Variants in ADAM22 observed in about 807,000 individuals in gnomAD.
ADAM22 encodes disintegrin and metalloproteinase domain-containing protein 22.
ADAM22 carries 65 observed loss-of-function variants against 144.6 expected under a neutral mutation model. The observed-to-expected ratio is 0.45, with a 90% CI of 0.37 to 0.55. The LOEUF is 0.55. ADAM22 is among the 20% of genes least tolerant of loss of function. The probability of loss-of-function intolerance (pLI) is 0.00; values close to 1 mark genes in which losing one functional copy is unlikely to be tolerated. For synonymous variants in ADAM22, 391 were observed against 412.6 expected (o/e 0.95, Z 0.63); for missense variants, 974 against 1,184.9 (o/e 0.82, Z 2.61).
At chr7:87,945,167 T>C (rs1261490864) in intron 2 of ADAM22, among the ~76,000 whole-genome samples, 1 of 152,218 alleles carries the variant, frequency 6.6e-6, no homozygotes, top group Non-Finnish European at 1.5e-5. Context: ...GAGTTTTTCA[T>C]ACTCTAAAAA....
chr7:88,073,233 A>G (rs1034021070), intron 3 of ADAM22, among the ~76,000 whole-genome samples: 8 of 152,234 alleles, frequency 5.3e-5, no homozygotes, highest in South Asian at 2.1e-4. Context: ...GCTAAGAGCT[A>G]TTTTTGAAAG....
chr7:87,998,186 A>G (rs1345581837), intron 3 of ADAM22, among the ~76,000 whole-genome samples: 1 of 152,090 alleles, frequency 6.6e-6, no homozygotes, highest in African/African-American at 2.4e-5. Flanking sequence ...CTTGCAGCTG[A>G]TTAGATGGTG....
intron 2 of ADAM22, among the ~76,000 whole-genome samples, chr7:87,962,999 T>C (rs962496935): frequency 9.9e-5 from 15 of 152,202 alleles, no homozygotes; most frequent in African/African-American, 3.6e-4. Flanking sequence ...GGGAAAACTC[T>C]TGGACAAAGC....
chr7:88,163,092 G>C lies in ADAM22; in HGVS notation c.1988G>C (p.Cys663Ser). 6.2e-7 allele frequency: 1 copy of C among 1,612,302 alleles called. No individual in the cohort carries two copies. ...ACACCTTGTGGTCCCCAAATGATGT[G>C]CTTAGAACACAGGTGTCTTCCTGTG... ...DGTPCGPQMM[C>S]LEHRCLPVAS... is the part of the protein sequence containing the mutation. The change falls in exon 23 of 32, where the codon TGC (cysteine) becomes TCC (serine). Residue 663 changes from cysteine to serine, a missense_variant. Around this residue, in one of 2 missense-constraint regions of ADAM22, gnomAD observed 734 missense variants for 950.6 expected, o/e 0.77. Transcript: ENST00000413139.
chr7:88,030,891 C>T (rs1282236943), intron 3 of ADAM22, among the ~76,000 whole-genome samples: 3 of 152,046 alleles, frequency 2.0e-5, no homozygotes, highest in Admixed American at 6.6e-5. Context: ...CCAAGGTGGG[C>T]GGATCACAAG....
intron 19 of ADAM22, 41 bp from the exon 20 acceptor site, chr7:88,151,216 A>G (rs746636472): frequency 1.2e-6 from 2 of 1,610,396 alleles, no homozygotes; most frequent in East Asian, 4.5e-5. Flanking sequence ...TGACATAAGC[A>G]GATATTGCAT....
chr7:88,161,501 C>CA (rs1215393184), intron 22 of ADAM22, among the ~76,000 whole-genome samples: 1 of 152,066 alleles, frequency 6.6e-6, no homozygotes, highest in African/African-American at 2.4e-5. Flanking sequence ...TTCTGCACAG[C>CA]AAAAGTAACT....
At chr7:88,057,735 G>A (rs369529127) in intron 3 of ADAM22, among the ~76,000 whole-genome samples, 7 of 152,280 alleles carry the variant, frequency 4.6e-5, no homozygotes, top group African/African-American at 1.7e-4. Flanking sequence ...GATATTTGCT[G>A]GAAATGGCCC....
rs142510705 is a variant in ADAM22 at position 88,158,681 on chromosome 7, G to T, written c.1907+2675G>T. Among the ~76,000 whole-genome samples the T allele has an allele frequency of 3.6e-4, 55 of 151,970 alleles. No individual in the cohort carries two copies. In the East Asian group the frequency reaches 0.011, roughly 29 times the overall value. Reference sequence around the variant, plus strand: ...CTTTTAGGTAAATAATGAAATTAAGGCAGAAATCAAGAAGTTCTTTGAAAC... The same window carrying T: ...CTTTTAGGTAAATAATGAAATTAAGTCAGAAATCAAGAAGTTCTTTGAAAC... On this transcript the variant is annotated intron_variant, in intron 22 of 31. Transcript: ENST00000413139.
At chr7:88,087,193 T>G (rs950860866) in intron 4 of ADAM22, among the ~76,000 whole-genome samples, 2 of 152,192 alleles carry the variant, frequency 1.3e-5, no homozygotes. Context: ...TTCTATAATA[T>G]GTAAAATAAG....
chr7:87,936,427 A>G (rs577809856), intron 2 of ADAM22, among the ~76,000 whole-genome samples: 135 of 152,272 alleles, frequency 8.9e-4, no homozygotes, highest in African/African-American at 3.2e-3. Flanking sequence ...TCCCTATGTC[A>G]TCGTATTTTT....
chr7:88,007,367 A>G (rs926450089), intron 3 of ADAM22, among the ~76,000 whole-genome samples: 2 of 152,196 alleles, frequency 1.3e-5, no homozygotes, highest in African/African-American at 2.4e-5. Context: ...CAAGCTACCA[A>G]TGCCTTTCTT....
At chr7:87,968,755 T>C (rs1340290219) in intron 2 of ADAM22, among the ~76,000 whole-genome samples, 1 of 152,178 alleles carries the variant, frequency 6.6e-6, no homozygotes, top group Admixed American at 6.5e-5. Context: ...CCAAGTGTAT[T>C]AGTCTGTTCT....
At chr7:88,151,409 TAC>T in intron 20 of ADAM22, 89 bp downstream of exon 20, 1 of 1,450,658 alleles carries the variant, frequency 6.9e-7, no homozygotes, top group Non-Finnish European at 9.7e-7. Context: ...AATTTTTGAC[TAC>T]TTTATGACTG....
intron 3 of ADAM22, among the ~76,000 whole-genome samples, chr7:87,982,305 A>G (rs938008341): frequency 1.3e-5 from 2 of 151,954 alleles, no homozygotes; most frequent in African/African-American, 4.8e-5. Flanking sequence ...GTCTGGTGTG[A>G]GGATGAAAAT....
chr7:88,122,126 T>C (rs1476590217), intron 7 of ADAM22, among the ~76,000 whole-genome samples: 1 of 152,132 alleles, frequency 6.6e-6, no homozygotes, highest in Non-Finnish European at 1.5e-5. Context: ...GATATGCAGT[T>C]GTCGTTGGCA....
chr7:88,050,896 G>A (rs1043727153), intron 3 of ADAM22, among the ~76,000 whole-genome samples: 1 of 152,122 alleles, frequency 6.6e-6, no homozygotes. Flanking sequence ...GGCTTTTGTT[G>A]CCATTGCTTT....
intron 7 of ADAM22, among the ~76,000 whole-genome samples, chr7:88,123,317 A>G (rs1234351177): frequency 6.6e-6 from 1 of 151,962 alleles, no homozygotes; most frequent in Non-Finnish European, 1.5e-5. Flanking sequence ...AAGTTGGTGT[A>G]AAAGTGGTAT....
At chr7:88,069,713 G>T (rs1812231125) in intron 3 of ADAM22, among the ~76,000 whole-genome samples, 1 of 152,140 alleles carries the variant, frequency 6.6e-6, no homozygotes, top group Admixed American at 6.5e-5. Context: ...TGTAGATAAG[G>T]CTGCTTAGAT....
Sources: allele counts gnomAD v4.1 joint callset (sites outside exome capture counted in the v4.1 genomes callset), GRCh38; gene constraint gnomAD v4.1.1; regional missense constraint gnomAD v4.1.1; transcripts MANE v1.5; gene names NCBI Gene and HGNC (gene_info 2026-07-23, HGNC 2026-07-21).